Variants in TSHZ3 observed in about 807,000 individuals in gnomAD.
TSHZ3 encodes the protein teashirt zinc finger homeobox 3, also known as teashirt homolog 3.
In TSHZ3, 10 loss-of-function variants were observed where a neutral mutation model predicts 64.5. The ratio of observed to expected loss-of-function variants is 0.16; its 90% CI spans 0.10 to 0.26. The LOEUF is 0.26. Ranked by LOEUF, TSHZ3 falls within the 10% of genes least tolerant of loss-of-function variation. The pLI is 1.00. For missense variants in TSHZ3, 1,242 were observed against 1,421.7 expected (o/e 0.87, Z 2.03); for synonymous variants, 608 against 593.1 (o/e 1.03, Z -0.36).
intron 1 of TSHZ3, among the ~76,000 whole-genome samples, chr19:31,309,389 CA>C (rs35282562): frequency 0.56 from 84,419 of 149,824 alleles, 23,921 homozygotes; most frequent in African/African-American, 0.66. Context: ...ATATCTTCTG[CA>C]AAAAAAAAAG....
intron 1 of TSHZ3, among the ~76,000 whole-genome samples, chr19:31,331,529 C>T (rs545042610): frequency 1.6e-4 from 24 of 152,274 alleles, no homozygotes; most frequent in African/African-American, 4.6e-4. Flanking sequence ...TGAAACTTCC[C>T]AACTGCAGCT....
intron 1 of TSHZ3, among the ~76,000 whole-genome samples, chr19:31,245,314 G>A (rs1353445703): frequency 6.6e-6 from 1 of 151,984 alleles, no homozygotes; most frequent in Non-Finnish European, 1.5e-5. Context: ...GATAGGCAAG[G>A]AACTAAAATA....
intron 5 of TSHZ3, among the ~76,000 whole-genome samples, chr19:31,177,328 A>G (rs903194363): frequency 6.6e-6 from 1 of 152,214 alleles, no homozygotes; most frequent in African/African-American, 2.4e-5. Context: ...GCTGCAGGAG[A>G]GACATGATAT....
chr19:31,239,708 AGCT>A (rs1432085760), intron 3 of TSHZ3, among the ~76,000 whole-genome samples: 1 of 152,030 alleles, frequency 6.6e-6, no homozygotes, highest in African/African-American at 2.4e-5. Flanking sequence ...CCTCTCAAGT[AGCT>A]GGAGACTACA....
At chr19:31,300,934 A>T (rs938488816) in intron 1 of TSHZ3, among the ~76,000 whole-genome samples, 3 of 152,130 alleles carry the variant, frequency 2.0e-5, no homozygotes, top group African/African-American at 4.8e-5. Flanking sequence ...TCAAAATGTA[A>T]GATTATGCAA....
intron 1 of TSHZ3, among the ~76,000 whole-genome samples, chr19:31,284,635 T>C (rs1166122924): frequency 6.6e-6 from 1 of 152,136 alleles, no homozygotes; most frequent in East Asian, 1.9e-4. Context: ...AAGTGGAGAA[T>C]GCGGGAACCC....
At chr19:31,174,511 C>T (rs762597207) in intron 5 of TSHZ3, among the ~76,000 whole-genome samples, 1 of 152,210 alleles carries the variant, frequency 6.6e-6, no homozygotes, top group Non-Finnish European at 1.5e-5. Flanking sequence ...TAACAATAAT[C>T]TGGGCATCCT....
chr19:31,307,057 T>C (rs934130010), intron 1 of TSHZ3, among the ~76,000 whole-genome samples: 3 of 151,478 alleles, frequency 2.0e-5, no homozygotes, highest in Non-Finnish European at 2.9e-5. Flanking sequence ...AAAAAAAAGA[T>C]AGTAAATTTT....
chr19:31,160,140 T>A (rs1289505572), intron 5 of TSHZ3, among the ~76,000 whole-genome samples: 1 of 151,984 alleles, frequency 6.6e-6, no homozygotes, highest in Non-Finnish European at 1.5e-5. Flanking sequence ...CCGAGACAGG[T>A]ACTGTTGTTC....
intron 1 of TSHZ3, among the ~76,000 whole-genome samples, chr19:31,284,295 G>A (rs1976416804): frequency 6.6e-6 from 1 of 151,872 alleles, no homozygotes; most frequent in African/African-American, 2.4e-5. Context: ...CATGGGCCCA[G>A]TCCAGCCACT....
At position 31,307,752 on chromosome 19, in the gene TSHZ3, T is replaced by G. The variant is rs546862685; in HGVS notation, c.41-28000A>C. Among the ~76,000 whole-genome samples, 549 of 152,342 alleles carry G rather than the reference T, an allele frequency of 3.6e-3. 3 individuals are homozygous for G. The highest frequency in any genetic ancestry group is 6.1e-3 in the Non-Finnish European group (418 of 68,020). On this transcript the variant is annotated intron_variant, in intron 1 of 1. Transcript: ENST00000240587. ...CGGCCAATGTGTCAAGCAGCCTGCC[T>G]TCCTTAGGCGGGCCTTTAATGGGTA... is the stretch of plus-strand genomic sequence containing the variant.
At chr19:31,214,440 G>A (rs1458792384) in intron 4 of TSHZ3, among the ~76,000 whole-genome samples, 1 of 152,232 alleles carries the variant, frequency 6.6e-6, no homozygotes, top group Non-Finnish European at 1.5e-5. Context: ...AGTGAGCTGA[G>A]TGGAGACAAC....
chr19:31,265,529 C>A (rs1317851183), intron 1 of TSHZ3, among the ~76,000 whole-genome samples: 3 of 152,044 alleles, frequency 2.0e-5, no homozygotes, highest in Non-Finnish European at 2.9e-5. Flanking sequence ...ATCAGGGGTG[C>A]CACTCCTTGA....
At chr19:31,285,781 CAAAAAAAAAAAAAAAA>C (rs3030263) in intron 1 of TSHZ3, among the ~76,000 whole-genome samples, 1 of 44,986 alleles carries the variant, frequency 2.2e-5, no homozygotes, top group African/African-American at 9.5e-5. Context: ...GCCACTGTCT[CAAAAAAAAAAAAAAAA>C]AAAAAAAAAA....
At chr19:31,180,250 C>T (rs188600107) in intron 5 of TSHZ3, among the ~76,000 whole-genome samples, 48 of 152,054 alleles carry the variant, frequency 3.2e-4, no homozygotes, top group African/African-American at 1.0e-3. Flanking sequence ...AATGAATGAA[C>T]GAATGAATGA....
chr19:31,191,294 T>C (rs1974902230), intron 5 of TSHZ3, among the ~76,000 whole-genome samples: 1 of 152,106 alleles, frequency 6.6e-6, no homozygotes, highest in South Asian at 2.1e-4. Context: ...AAAGCAGCCA[T>C]AGATAAAAAT....
downstream of TSHZ3, among the ~76,000 whole-genome samples, chr19:31,272,524 C>A (rs1976157571): frequency 6.6e-6 from 1 of 152,098 alleles, no homozygotes; most frequent in African/African-American, 2.4e-5. Flanking sequence ...TCATAACCAA[C>A]CCTCTCTAAC....
chr19:31,178,535 C>A (rs535326985), intron 5 of TSHZ3, among the ~76,000 whole-genome samples: 1 of 152,130 alleles, frequency 6.6e-6, no homozygotes, highest in Non-Finnish European at 1.5e-5. Flanking sequence ...CAAAAGTAGC[C>A]GGGCGTGGTG....
intron 3 of TSHZ3, among the ~76,000 whole-genome samples, chr19:31,233,209 C>A (rs541772856): frequency 6.6e-6 from 1 of 152,148 alleles, no homozygotes; most frequent in Non-Finnish European, 1.5e-5. Flanking sequence ...ATGAAAGTTC[C>A]AGTTGCTCAA....
Sources: allele counts gnomAD v4.1 joint callset (sites outside exome capture counted in the v4.1 genomes callset), GRCh38; gene constraint gnomAD v4.1.1; transcripts MANE v1.5; gene names NCBI Gene and HGNC (gene_info 2026-07-23, HGNC 2026-07-21).